The following ITSN1 variants were observed in gnomAD, a reference collection of about 807,000 sequenced individuals.
ITSN1 encodes intersectin-1.
ITSN1 carries 58 observed loss-of-function variants against 239.8 expected under a neutral mutation model. That is an observed-to-expected ratio of 0.24 (90% confidence interval 0.20 to 0.30). The LOEUF (loss-of-function observed/expected upper bound fraction) is 0.30. Among genes scored for constraint, ITSN1 ranks in the 10% least tolerant of loss-of-function variants. The pLI is 1.00. For missense variants in ITSN1, 1,558 were observed against 2,103.3 expected (o/e 0.74, Z 5.07); for synonymous variants, 780 against 770.8 (o/e 1.01, Z -0.20).
chr21:33,744,869 A>G (rs2067087063), intron 5 of ITSN1, among the ~76,000 whole-genome samples: 1 of 152,254 alleles, frequency 6.6e-6, no homozygotes, highest in South Asian at 2.1e-4. Flanking sequence ...ATTTACCTTA[A>G]GAAGATCCTA....
At chr21:33,827,325 G>A (rs1012617891) in intron 26 of ITSN1, among the ~76,000 whole-genome samples, 19 of 152,118 alleles carry the variant, frequency 1.2e-4, no homozygotes, top group Admixed American at 7.9e-4. Flanking sequence ...ACTTGAACCC[G>A]GGAGGCCAAG....
At chr21:33,832,923 CA>C (rs2074379605) in intron 27 of ITSN1, among the ~76,000 whole-genome samples, 1 of 152,046 alleles carries the variant, frequency 6.6e-6, no homozygotes, top group Non-Finnish European at 1.5e-5. Flanking sequence ...GTTTAAAATT[CA>C]AAAGTTACAA....
chr21:33,746,447 G>A (rs549846504), intron 5 of ITSN1, among the ~76,000 whole-genome samples: 5 of 152,146 alleles, frequency 3.3e-5, no homozygotes, highest in Admixed American at 6.5e-5. Flanking sequence ...AAAGGAAAAC[G>A]TGGAAATGAA....
At chr21:33,883,506 A>G (rs1235699804) in intron 35 of ITSN1, 44 bp from the exon 36 acceptor site, 1 of 1,606,856 alleles carries the variant, frequency 6.2e-7, no homozygotes, top group East Asian at 2.2e-5. Flanking sequence ...CGGAGCACAC[A>G]GACCCCCAGC....
Position 33,725,917 on chromosome 21 carries a change from G to T in ITSN1, c.185+3266G>T, listed in dbSNP as rs185073825. On this transcript the variant is annotated intron_variant, in intron 4 of 39. Coordinates refer to ENST00000381318, the MANE Select transcript of ITSN1 (RefSeq NM_003024.3). The stretch of plus-strand genomic sequence containing the variant: ...GTTTAGCAAGATCTGCCTTTCAACT[G>T]AGCTGATTTGATACTTATTCACATA... Among the ~76,000 whole-genome samples the T allele has an allele frequency of 5.3e-3, 808 of 152,292 alleles. 2 individuals carry two copies. The highest frequency in any genetic ancestry group is 9.5e-3 in the Admixed American group (146 of 15,298).
chr21:33,729,403 G>C (rs2066026121), intron 4 of ITSN1, among the ~76,000 whole-genome samples: 1 of 151,552 alleles, frequency 6.6e-6, no homozygotes, highest in South Asian at 2.1e-4. Context: ...CGCTATGATT[G>C]TGCCACTGTA....
rs368489595 is a variant in ITSN1, at chr21:33,810,081, C to T, written c.2320-894C>T. ...TGCTGGGATTACAGGCATGAGCCAC[C>T]GTGCCCAGCCCAAAAATAAATTTCC... is the stretch of plus-strand genomic sequence containing the variant. On this transcript the variant is annotated intron_variant, in intron 20 of 39. Coordinates refer to ENST00000381318, the MANE Select transcript of ITSN1 (RefSeq NM_003024.3). Among the ~76,000 whole-genome samples, 6 of 152,294 alleles carry T rather than the reference C, an allele frequency of 3.9e-5. No homozygotes were observed. In the East Asian group the frequency reaches 5.8e-4, roughly 15 times the overall value.
chr21:33,645,515 G>A (rs2087857112), intron 1 of ITSN1, among the ~76,000 whole-genome samples: 2 of 152,028 alleles, frequency 1.3e-5, no homozygotes, highest in African/African-American at 4.8e-5. Context: ...TTAGTGACTC[G>A]TGCCTATATT....
At chr21:33,799,539 C>CTAAA (rs779386213) in intron 18 of ITSN1, among the ~76,000 whole-genome samples, 3 of 152,268 alleles carry the variant, frequency 2.0e-5, no homozygotes, top group Admixed American at 6.5e-5. Flanking sequence ...GACAAGGGAC[C>CTAAA]TTTAGGCAGC....
At position 33,680,759 on chromosome 21, in the gene ITSN1, A is replaced by G. The variant is rs1374958339; in HGVS notation, c.-32-38038A>G. ...AAGCAATCAGTAGGTTAATGACTGCATGGTTTCTGGACCAAATTATCCTCA... is the reference window on the plus strand; with the variant it reads ...AAGCAATCAGTAGGTTAATGACTGCGTGGTTTCTGGACCAAATTATCCTCA... On this transcript the variant is annotated intron_variant, in intron 1 of 39. Coordinates refer to ENST00000381318, the MANE Select transcript of ITSN1 (RefSeq NM_003024.3). 2.6e-5 allele frequency among the ~76,000 whole-genome samples: 4 copies of G among 152,344 alleles called. No individual in the cohort carries two copies. The East Asian group carries it at 7.7e-4, about 29-fold the overall frequency.
rs1312909287 is a variant in ITSN1 at position 33,789,273 on chromosome 21, T to A, written c.1825-5068T>A. 2.0e-5 allele frequency among the ~76,000 whole-genome samples: 3 copies of A among 152,196 alleles called. No individual in the cohort carries two copies. The East Asian group carries it at 5.8e-4, about 29-fold the overall frequency. On this transcript the variant is annotated intron_variant, in intron 16 of 39. Transcript: ENST00000381318. ...AAAAGCACTTCTACTTTGGACTTTTTATGGATGTGATATTATAGATAAACA... is the reference window on the plus strand; with the variant it reads ...AAAAGCACTTCTACTTTGGACTTTTAATGGATGTGATATTATAGATAAACA...
At chr21:33,826,357 G>A (rs2073971282) in intron 25 of ITSN1, among the ~76,000 whole-genome samples, 2 of 152,198 alleles carry the variant, frequency 1.3e-5, no homozygotes, top group South Asian at 4.1e-4. Context: ...TGAAGCAAAT[G>A]TGCAAAATAT....
chr21:33,820,893 G>A (rs916647565), intron 24 of ITSN1, among the ~76,000 whole-genome samples: 3 of 152,028 alleles, frequency 2.0e-5, no homozygotes, highest in African/African-American at 4.8e-5. Flanking sequence ...ATCCAATCAA[G>A]GCTCACTGGA....
At position 33,899,766 on chromosome 21, in the gene ITSN1, T is replaced by TCAAAAA. The variant is rs754635825; in HGVS notation, c.*11485_*11490dup. On this transcript the variant is annotated 3_prime_UTR_variant, in exon 40 of 40. Coordinates refer to ENST00000381318, the MANE Select transcript of ITSN1 (RefSeq NM_003024.3). ...CTTGAACCTAAAAAGAACAATCTCT[T>TCAAAAA]CAAAAACAAAAACAAAAACAAAAAA... The TCAAAAA allele has an allele frequency of 3.3e-5, 5 of 150,410 alleles. No individual in the cohort carries two copies. Among genetic ancestry groups the TCAAAAA allele is most frequent in the Non-Finnish European group, 7.4e-5 (5 of 67,714 alleles). 9.3% of individuals were successfully genotyped at this position (150,410 alleles called of 1,614,324 possible).
intron 1 of ITSN1, among the ~76,000 whole-genome samples, chr21:33,699,631 ATGGCTTAAGCCC>A (rs1298351156): frequency 6.6e-6 from 1 of 152,216 alleles, no homozygotes; most frequent in African/African-American, 2.4e-5. Flanking sequence ...AGGTAGGAGG[ATGGCTTAAGCCC>A]TGGATGTGGA....
intron 1 of ITSN1, among the ~76,000 whole-genome samples, chr21:33,656,648 A>G (rs914787328): frequency 5.9e-5 from 9 of 151,792 alleles, no homozygotes; most frequent in African/African-American, 2.2e-4. Context: ...CGGTCCCCCC[A>G]CCTCAGCCCC....
At chr21:33,750,934 A>G (rs1031223916) in intron 6 of ITSN1, among the ~76,000 whole-genome samples, 1 of 152,232 alleles carries the variant, frequency 6.6e-6, no homozygotes, top group Non-Finnish European at 1.5e-5. Flanking sequence ...TCATATCAAT[A>G]TGGAAAGTAT....
chr21:33,722,525 A>G (rs2065552697), intron 3 of ITSN1, 63 bp from the exon 4 acceptor site: 1 of 1,516,818 alleles, frequency 6.6e-7, no homozygotes, highest in Non-Finnish European at 8.8e-7. Flanking sequence ...TTGCTATTAC[A>G]GGATTTCTGT....
At chr21:33,723,721 A>T (rs756007425) in intron 4 of ITSN1, among the ~76,000 whole-genome samples, 3 of 152,182 alleles carry the variant, frequency 2.0e-5, no homozygotes, top group Admixed American at 6.5e-5. Flanking sequence ...CTTTGACCTC[A>T]AGTTTTCTAA....
Sources: allele counts gnomAD v4.1 joint callset (sites outside exome capture counted in the v4.1 genomes callset), GRCh38; gene constraint gnomAD v4.1.1; transcripts MANE v1.5; gene names NCBI Gene and HGNC (gene_info 2026-07-23, HGNC 2026-07-21).